Variants in CAST observed in about 807,000 individuals in gnomAD.
The protein encoded by CAST is calpastatin.
Under a neutral mutation model 119.6 loss-of-function variants are expected in CAST, and 76 were observed. The observed-to-expected ratio is 0.64, with a 90% CI of 0.53 to 0.77. CAST has a LOEUF of 0.77. Ranked by LOEUF, CAST falls within the 30% of genes least tolerant of loss-of-function variation. The pLI is 0.00. For missense variants in CAST, 953 were observed against 946.5 expected, an observed-to-expected ratio of 1.01 and a Z score of -0.09; for synonymous variants, 319 against 331.6, an observed-to-expected ratio of 0.96 and a Z score of 0.41.
the CAST span, among the ~76,000 whole-genome samples, chr5:96,363,761 T>G: frequency 6.6e-6 from 1 of 152,234 alleles, no homozygotes; most frequent in East Asian, 1.9e-4. Flanking sequence ...TTTCTAAATA[T>G]ACAATCATGT....
chr5:95,971,012 G>C, the CAST span, among the ~76,000 whole-genome samples: 1 of 152,176 alleles, frequency 6.6e-6, no homozygotes, highest in African/African-American at 2.4e-5. Context: ...TAATGTTGAT[G>C]ATCTATTATG....
the CAST span, among the ~76,000 whole-genome samples, chr5:96,203,427 A>G: frequency 5.3e-4 from 80 of 152,178 alleles, 1 homozygote; most frequent in African/African-American, 1.9e-3. Context: ...ACAGGGTTAC[A>G]AAGGACACAA....
At position 96,740,756 on chromosome 5, in the gene CAST, G is replaced by C; in HGVS notation, c.891G>C (p.Gly297=). The C allele has an allele frequency of 6.3e-7, 1 of 1,598,684 alleles. No homozygotes were observed. Among genetic ancestry groups the C allele is most frequent in the Non-Finnish European group, 8.6e-7 (1 of 1,165,800 alleles). Residue 297 remains glycine (G), a synonymous_variant, in exon 13 of 32, where the codon GGG becomes GGC. Coordinates refer to ENST00000675179, the MANE Select transcript of CAST (RefSeq NM_001750.7). ...KYRELLAKKE[G]ITGPPADSSK... The stretch of plus-strand genomic sequence containing the variant: ...AATATTTGTTTCAGAAAAAGGAAGG[G>C]ATCACAGGGCCTCCTGCAGACTCTT...
chr5:96,651,141 C>T (rs1322823647), intron 1 of CAST, among the ~76,000 whole-genome samples: 1 of 152,036 alleles, frequency 6.6e-6, no homozygotes. Context: ...GCTGCCGATG[C>T]CAGCCTCCCC....
At chr5:96,372,270 G>GA in the CAST span, among the ~76,000 whole-genome samples, 1 of 152,100 alleles carries the variant, frequency 6.6e-6, no homozygotes, top group Non-Finnish European at 1.5e-5. Context: ...TTCCATTTTG[G>GA]AAAAAATTCC....
the CAST span, among the ~76,000 whole-genome samples, chr5:96,482,724 A>G: frequency 6.6e-6 from 1 of 152,142 alleles, no homozygotes; most frequent in Non-Finnish European, 1.5e-5. Context: ...GTGAGAGAGG[A>G]AAGTTCCTCC....
chr5:95,963,087 A>C, the CAST span, among the ~76,000 whole-genome samples: 1 of 152,212 alleles, frequency 6.6e-6, no homozygotes, highest in Non-Finnish European at 1.5e-5. Context: ...CAGATAAAAC[A>C]AACCATTGAA....
chr5:96,453,644 G>A, the CAST span, among the ~76,000 whole-genome samples: 1 of 152,166 alleles, frequency 6.6e-6, no homozygotes, highest in Non-Finnish European at 1.5e-5. Context: ...CCTCTCAGTG[G>A]CAATGTTTAG....
intron 1 of CAST, among the ~76,000 whole-genome samples, chr5:96,664,586 G>A (rs1333899781): frequency 1.3e-5 from 2 of 152,126 alleles, no homozygotes. Flanking sequence ...AAGCCTCCAT[G>A]TACACTGTGG....
At chr5:96,287,174 A>G in the CAST span, among the ~76,000 whole-genome samples, 3 of 151,988 alleles carry the variant, frequency 2.0e-5, no homozygotes, top group Non-Finnish European at 2.9e-5. Flanking sequence ...TTTTCATCTG[A>G]TGAATGAAAC....
the CAST span, among the ~76,000 whole-genome samples, chr5:96,001,084 C>G: frequency 6.6e-6 from 1 of 152,042 alleles, no homozygotes; most frequent in African/African-American, 2.4e-5. Flanking sequence ...ATTCTTAAAC[C>G]CTCAGTTTGC....
At chr5:96,239,230 T>C in the CAST span, among the ~76,000 whole-genome samples, 1 of 152,176 alleles carries the variant, frequency 6.6e-6, no homozygotes, top group Non-Finnish European at 1.5e-5. Context: ...TGTAAACATA[T>C]GTAATATACT....
At chr5:96,416,211 A>G in the CAST span, 1 of 894,474 alleles carries the variant, frequency 1.1e-6, no homozygotes, top group Admixed American at 1.8e-5. Flanking sequence ...TAGGTATATT[A>G]ACTTTTTGTC....
chr5:96,494,699 G>A, the CAST span, among the ~76,000 whole-genome samples: 1 of 152,162 alleles, frequency 6.6e-6, no homozygotes, highest in Non-Finnish European at 1.5e-5. Context: ...GAAAAATAAT[G>A]CAGTGGAAAT....
At chr5:95,962,480 G>A in the CAST span, among the ~76,000 whole-genome samples, 4 of 152,176 alleles carry the variant, frequency 2.6e-5, no homozygotes, top group Non-Finnish European at 4.4e-5. Context: ...TGAAGTTATC[G>A]GGTGCCACAC....
At chr5:96,271,864 C>A in the CAST span, among the ~76,000 whole-genome samples, 49 of 152,032 alleles carry the variant, frequency 3.2e-4, no homozygotes, top group Non-Finnish European at 5.9e-4. Flanking sequence ...ACCCATCTGA[C>A]AAAGGATTAA....
In CAST at chr5:96,616,520, C is replaced by T. The variant is rs773572390; in HGVS notation, c.61-59019C>T. Among the ~76,000 whole-genome samples the T allele has an allele frequency of 5.3e-5, 8 of 152,262 alleles. No homozygotes were observed. The South Asian group carries it at 8.3e-4, about 16-fold the overall frequency. ...TGGCACAGACTGTATTGCTAATTAA[C>T]TTGCATGTATCATCACACTCCATCC... On this transcript the variant is annotated intron_variant, in intron 1 of 11. Coordinates refer to the CAST transcript ENST00000505143.
the CAST span, among the ~76,000 whole-genome samples, chr5:95,997,630 T>C: frequency 6.6e-6 from 1 of 152,158 alleles, no homozygotes; most frequent in Non-Finnish European, 1.5e-5. Context: ...TACCCACTGA[T>C]CTCAGTCAAG....
the CAST span, among the ~76,000 whole-genome samples, chr5:96,377,466 A>T: frequency 6.6e-6 from 1 of 152,166 alleles, no homozygotes; most frequent in East Asian, 1.9e-4. Flanking sequence ...TGCCTTTTCT[A>T]TATTTAGATA....
Sources: gnomAD v4.1 joint callset for allele counts (sites outside exome capture counted in the v4.1 genomes callset) on GRCh38, gnomAD v4.1.1 for gene constraint, MANE v1.5 for transcripts, NCBI Gene and HGNC (gene_info 2026-07-23, HGNC 2026-07-21) for gene names.